The following CELA1 variants were observed in gnomAD, a reference collection of about 807,000 sequenced individuals.
CELA1 encodes chymotrypsin-like elastase family member 1.
CELA1 carries 28 observed loss-of-function variants against 34.8 expected under a neutral mutation model. The ratio of observed to expected loss-of-function variants is 0.80; its 90% confidence interval spans 0.60 to 1.10. The LOEUF (loss-of-function observed/expected upper bound fraction) is 1.10, where lower values mean the gene tolerates loss of function less well. Among genes scored for constraint, CELA1 ranks in the 50% least tolerant of loss-of-function variants. The pLI is 0.00. For missense variants in CELA1, 288 were observed against 327.5 expected (o/e 0.88, Z 0.93); for synonymous variants, 140 against 129.8 (o/e 1.08, Z -0.53).
At chr12:51,341,450 C>T (rs1176684087) in intron 4 of CELA1, 70 bp from the exon 5 acceptor site, 2 of 1,543,064 alleles carry the variant, frequency 1.3e-6, no homozygotes, top group Admixed American at 3.5e-5. Context: ...TACACTGGCC[C>T]TCTCTAAGCA....
intron 6 of CELA1, among the ~76,000 whole-genome samples, chr12:51,338,979 AAAG>A (rs1217579268): frequency 2.0e-5 from 3 of 152,170 alleles, no homozygotes; most frequent in African/African-American, 7.2e-5. Context: ...AAAAGCTTAA[AAAG>A]AGAAATCTGT....
intron 6 of CELA1, among the ~76,000 whole-genome samples, chr12:51,331,992 G>T (rs1946472600): frequency 1.3e-5 from 2 of 152,012 alleles, no homozygotes; most frequent in Admixed American, 1.3e-4. Context: ...AGACCAGCCT[G>T]GGGTACAAAC....
Position 51,341,279 on chromosome 12 carries a change from CTGT to C in CELA1, c.425_427del (p.Asn142del). 1 of 1,614,162 alleles carries C rather than the reference CTGT, an allele frequency of 6.2e-7. No homozygotes were observed. Among genetic ancestry groups the C allele is most frequent in the South Asian group, 1.1e-5 (1 of 91,076 alleles). On this transcript the variant is annotated inframe_deletion, in exon 5 of 8. Transcript: ENST00000293636. ...GCCCCAGCCTGTGATGTAGCAGGGA[CTGT>C]TGTTAGCCAGGATGGCTCCCTCCTG...
In CELA1 at chr12:51,332,860, AAAAC is replaced by A. The variant is rs553972716; in HGVS notation, c.610-3031_610-3028del. Among the ~76,000 whole-genome samples the A allele has an allele frequency of 4.2e-3, 638 of 152,240 alleles. 4 individuals carry two copies. Among genetic ancestry groups the A allele is most frequent in the African/African-American group, 0.014 (590 of 41,522 alleles). On this transcript the variant is annotated intron_variant, in intron 6 of 7. Coordinates refer to ENST00000293636, the MANE Select transcript of CELA1 (RefSeq NM_001971.6). Reference sequence around the variant, plus strand: ...GGCAACAGAGCAAGACTCTGTCTCAAAAACAAACAAACAAAAGTAAAACTTAAAA... The same window carrying A: ...GGCAACAGAGCAAGACTCTGTCTCAAAAACAAACAAAAGTAAAACTTAAAA...
At chr12:51,330,693 G>T (rs999050553) in intron 6 of CELA1, among the ~76,000 whole-genome samples, 1 of 152,134 alleles carries the variant, frequency 6.6e-6, no homozygotes, top group African/African-American at 2.4e-5. Context: ...GCCTCTAGCC[G>T]GGCCCAGTGA....
At position 51,335,705 on chromosome 12, in the gene CELA1, T is replaced by C. The variant is rs550278285; in HGVS notation, c.609+4155A>G. ...AGGCCGGAGTGCCGTGGTGCGATCA[T>C]AGCTCACTGCAGCCTCGAACTCCTT... On this transcript the variant is annotated intron_variant, in intron 6 of 7. Coordinates refer to ENST00000293636, the MANE Select transcript of CELA1 (RefSeq NM_001971.6). Among the ~76,000 whole-genome samples, 337 of 151,444 alleles carry C rather than the reference T, an allele frequency of 2.2e-3. 1 individual carries two copies. The highest frequency in any genetic ancestry group is 4.2e-3 in the South Asian group (20 of 4,776).
intron 6 of CELA1, among the ~76,000 whole-genome samples, chr12:51,335,272 TTTGAGA>T (rs1946494021): frequency 1.3e-5 from 2 of 152,196 alleles, no homozygotes; most frequent in Non-Finnish European, 2.9e-5. Context: ...TTTCTCTTTT[TTTGAGA>T]CGGAGTCTCA....
intron 2 of CELA1, 140 bp downstream of exon 2, chr12:51,345,655 C>G (rs938972037): frequency 1.4e-5 from 10 of 729,734 alleles, no homozygotes; most frequent in Middle Eastern, 5.1e-4. Flanking sequence ...AAGCCTGATC[C>G]CATCCATCTT....
Position 51,341,147 on chromosome 12 carries a change from G to C in CELA1, c.463+97C>G, listed in dbSNP as rs188037092. 77 of 1,303,336 alleles carry C rather than the reference G, an allele frequency of 5.9e-5. No individual in the cohort carries two copies. The African/African-American group carries it at 1.0e-3, about 18-fold the overall frequency. 80.7% of individuals were successfully genotyped at this position (1,303,336 alleles called of 1,614,324 possible). On this transcript the variant is annotated intron_variant, in intron 5 of 7. Transcript: ENST00000293636. ...ATGGTTCTTTTAGCTCCTGGTCTCT[G>C]GCCATAAGCACCTAGGACCACAGAA...
chr12:51,340,312 T>C (rs1204607297), intron 5 of CELA1, among the ~76,000 whole-genome samples: 1 of 152,100 alleles, frequency 6.6e-6, no homozygotes, highest in Non-Finnish European at 1.5e-5. Flanking sequence ...ATGATTTATC[T>C]GTCTGTTCTG....
Position 51,343,853 on chromosome 12 carries a change from T to C in CELA1, c.100A>G (p.Ile34Val), listed in dbSNP as rs1431003583. 4 of 1,544,900 alleles carry C rather than the reference T, an allele frequency of 2.6e-6. No individual in the cohort carries two copies. Among genetic ancestry groups the C allele is most frequent in the Non-Finnish European group, 3.6e-6 (4 of 1,120,394 alleles). ...EAGRNSWPSQ[I>V]SLQYRSGGSR... is the part of the protein sequence containing the mutation. The stretch of plus-strand genomic sequence containing the variant: ...CCTCCAGACCGGTACTGGAGGGAAA[T>C]CTAGATGGGGAGGAAAGAAAGAAGG... The change falls in exon 3 of 8, where the codon ATT becomes GTT. Residue 34 changes from isoleucine (I) to valine (V), a missense_variant and splice_region_variant. Ile to Val is a conservative substitution (Grantham distance 29). Coordinates refer to ENST00000293636, the MANE Select transcript of CELA1 (RefSeq NM_001971.6).
At chr12:51,337,273 G>A (rs977842351) in intron 6 of CELA1, among the ~76,000 whole-genome samples, 3 of 152,106 alleles carry the variant, frequency 2.0e-5, no homozygotes, top group African/African-American at 4.8e-5. Flanking sequence ...GGTGCCTCAC[G>A]CCTATAATCC....
chr12:51,338,302 A>AAACG (rs1946513121), intron 6 of CELA1, among the ~76,000 whole-genome samples: 1 of 24,424 alleles, frequency 4.1e-5, no homozygotes, highest in Non-Finnish European at 1.6e-4. Context: ...ACATACGCAT[A>AAACG]CATATATATA....
At chr12:51,329,141 C>T (rs910655478) in intron 7 of CELA1, among the ~76,000 whole-genome samples, 9 of 151,224 alleles carry the variant, frequency 6.0e-5, no homozygotes, top group African/African-American at 2.2e-4. Flanking sequence ...ATAATCCCAA[C>T]TACTTGGGAG....
At chr12:51,345,923 A>C in intron 1 of CELA1, 46 bp from the exon 2 acceptor site, 1 of 1,352,174 alleles carries the variant, frequency 7.4e-7, no homozygotes, top group Non-Finnish European at 1.0e-6. Context: ...GCATGGGGTC[A>C]GCCAGGGGTA....
chr12:51,335,974 C>T (rs953087602), intron 6 of CELA1, among the ~76,000 whole-genome samples: 1 of 152,112 alleles, frequency 6.6e-6, no homozygotes, highest in Non-Finnish European at 1.5e-5. Context: ...TCTTACCCTT[C>T]GGACAAGCTT....
chr12:51,328,484 A>G lies in CELA1; in HGVS notation c.*93T>C, dbSNP rs1946448432. 3 of 1,292,814 alleles carry G rather than the reference A, an allele frequency of 2.3e-6. No individual in the cohort carries two copies. The highest frequency in any genetic ancestry group is 2.3e-5 in the East Asian group (1 of 43,322). 80.1% of individuals were successfully genotyped at this position (1,292,814 alleles called of 1,614,324 possible). A position where few individuals can be genotyped will look rare whatever the true frequency, so the allele number is the denominator to read the frequency against. ...TATTTGCTTTTCTATCAATGGCTCA[A>G]TAGTCTTTCAGAATGTGTTTTACTT... is the stretch of plus-strand genomic sequence containing the variant. On this transcript the variant is annotated 3_prime_UTR_variant, in exon 8 of 8. Coordinates refer to ENST00000293636, the MANE Select transcript of CELA1 (RefSeq NM_001971.6).
At chr12:51,329,344 C>T (rs10783431) in intron 7 of CELA1, among the ~76,000 whole-genome samples, 78,995 of 151,632 alleles carry the variant, frequency 0.52, 21,335 homozygotes, top group South Asian at 0.67. Flanking sequence ...CCTTCCCTTG[C>T]CTAGGAGTAC....
intron 6 of CELA1, among the ~76,000 whole-genome samples, chr12:51,331,002 A>G (rs1946466250): frequency 6.6e-6 from 1 of 150,406 alleles, no homozygotes; most frequent in Non-Finnish European, 1.5e-5. Flanking sequence ...TTCATCTAAT[A>G]TAAAAATAAA....
Sources: allele counts gnomAD v4.1 joint callset (sites outside exome capture counted in the v4.1 genomes callset), GRCh38; gene constraint gnomAD v4.1.1; transcripts MANE v1.5; gene names NCBI Gene and HGNC (gene_info 2026-07-23, HGNC 2026-07-21).